Variants in FAT1 observed in about 807,000 individuals in gnomAD.
FAT1 encodes the protein FAT atypical cadherin 1, also known as protocadherin Fat 1.
FAT1 carries 171 observed loss-of-function variants against 329.8 expected under a neutral mutation model. That is an observed-to-expected ratio of 0.52 (90% confidence interval 0.46 to 0.59). The LOEUF (loss-of-function observed/expected upper bound fraction) is 0.59. Ranked by LOEUF, FAT1 falls within the 20% of genes least tolerant of loss-of-function variation. The probability of loss-of-function intolerance (pLI) is 0.00; values close to 1 mark genes in which losing one functional copy is unlikely to be tolerated. For missense variants in FAT1, 5,672 were observed against 5,774.4 expected, an observed-to-expected ratio of 0.98 and a Z score of 0.57; for synonymous variants, 2,233 against 2,228.6, an observed-to-expected ratio of 1.00 and a Z score of -0.06.
At chr4:186,626,054 G>C (rs74645265) in intron 9 of FAT1, among the ~76,000 whole-genome samples, 2 of 121,742 alleles carry the variant, frequency 1.6e-5, no homozygotes, top group Non-Finnish European at 3.4e-5. Flanking sequence ...CATGGCACCT[G>C]GCACATAAAG....
At chr4:186,725,719 A>G (rs1187239295), upstream of FAT1, among the ~76,000 whole-genome samples, 1 of 152,218 alleles carries the variant, frequency 6.6e-6, no homozygotes, top group African/African-American at 2.4e-5. This position sits in a 1 kb window ranked among gnomAD's most constrained non-coding sequence, Gnocchi z 5.4. Context: ...ATGTGGTTCA[A>G]GTTCCACATT....
intron 26 of FAT1, among the ~76,000 whole-genome samples, chr4:186,593,589 C>T (rs924504538): frequency 6.6e-6 from 1 of 152,140 alleles, no homozygotes; most frequent in Non-Finnish European, 1.5e-5. Context: ...TGCACAGAGG[C>T]GTTCCCAGTT....
At chr4:186,622,465 G>C (rs1213224599) in intron 9 of FAT1, among the ~76,000 whole-genome samples, 2 of 152,158 alleles carry the variant, frequency 1.3e-5, no homozygotes, top group East Asian at 3.9e-4. Context: ...GCGTCTCGTG[G>C]GTGGAGACCA....
intron 1 of FAT1, among the ~76,000 whole-genome samples, chr4:186,714,662 T>C (rs1745124298): frequency 6.6e-6 from 1 of 151,848 alleles, no homozygotes; most frequent in Non-Finnish European, 1.5e-5. Context: ...ACAGGGGAGA[T>C]GTCGGCCACT....
intron 3 of FAT1, among the ~76,000 whole-genome samples, chr4:186,641,702 A>G (rs1490057843): frequency 6.6e-6 from 1 of 152,198 alleles, no homozygotes; most frequent in African/African-American, 2.4e-5. Flanking sequence ...ACCTGTGTCC[A>G]TACTACCAAT....
At chr4:186,651,914 C>A (rs191151574) in intron 3 of FAT1, among the ~76,000 whole-genome samples, 163 of 152,330 alleles carry the variant, frequency 1.1e-3, no homozygotes, top group African/African-American at 3.3e-3. Flanking sequence ...TATTGTTTGT[C>A]CCTGAAGTAC....
intron 2 of FAT1, among the ~76,000 whole-genome samples, chr4:186,667,620 G>A (rs999612990): frequency 2.6e-5 from 4 of 152,182 alleles, no homozygotes; most frequent in Non-Finnish European, 5.9e-5. Context: ...AAAGGGAGAG[G>A]AGGGCACACC....
intron 2 of FAT1, among the ~76,000 whole-genome samples, chr4:186,674,571 T>C (rs1378368029): frequency 6.6e-6 from 1 of 152,150 alleles, no homozygotes; most frequent in East Asian, 1.9e-4. Context: ...GGAGGAGCGA[T>C]GGAACTTAAG....
rs960026866 is a variant in FAT1, at chr4:186,597,761, G to A, written c.12289C>T (p.Pro4097Ser). The stretch of plus-strand genomic sequence containing the variant: ...AAGCATGTTCCGCCATTCTTACAGG[G>A]TTCATCTTTGCAGTATGGACTAAGC... ...CQLSPYCKDE[P>S]CKNGGTCFDS... Residue 4097 changes from proline (P) to serine (S), a missense_variant, in exon 24 of 27, where the codon CCC (proline) becomes TCC (serine). This residue lies in a region of FAT1 where 1,706 missense variants were observed against 1,859.1 expected (regional missense o/e 0.92). Transcript: ENST00000441802. The A allele has an allele frequency of 1.2e-6, 2 of 1,613,824 alleles. No homozygotes were observed. Among genetic ancestry groups the A allele is most frequent in the Admixed American group, 3.3e-5 (2 of 60,006 alleles).
chr4:186,676,900 A>G (rs1350367011), intron 2 of FAT1, among the ~76,000 whole-genome samples: 1 of 152,214 alleles, frequency 6.6e-6, no homozygotes, highest in Admixed American at 6.5e-5. Flanking sequence ...ATCATATGCA[A>G]TTCAGTTCTA....
At position 186,621,592 on chromosome 4, in the gene FAT1, G is replaced by A. The variant is rs761417017; in HGVS notation, c.4994C>T (p.Pro1665Leu). ...IFVTIADNAS[P>L]KFTSKEYSVE... ...AGAATATTCTTTTGATGTAAACTTC[G>A]GAGAGGCGTTGTCAGCAATTGTGAC... Residue 1665 changes from proline (P) to leucine (L), a missense_variant, in exon 10 of 27, where the codon CCG becomes CTG. By Grantham distance (98) the Pro-to-Leu change is moderately conservative. Transcript: ENST00000441802. 1.7e-5 allele frequency: 28 copies of A among 1,613,976 alleles called. No individual in the cohort carries two copies. The highest frequency in any genetic ancestry group is 1.2e-4 in the South Asian group (11 of 91,078).
At chr4:186,638,816 C>T (rs1375578428) in intron 4 of FAT1, among the ~76,000 whole-genome samples, 1 of 149,618 alleles carries the variant, frequency 6.7e-6, no homozygotes, top group African/African-American at 2.6e-5. Flanking sequence ...AAGAAGAGCA[C>T]TGATAACTCA....
chr4:186,712,069 G>C (rs1400176468), intron 1 of FAT1, among the ~76,000 whole-genome samples: 1 of 152,184 alleles, frequency 6.6e-6, no homozygotes, highest in African/African-American at 2.4e-5. Flanking sequence ...GCAAGTACTA[G>C]AAGTATTTTT....
chr4:186,685,758 C>G (rs912048044), intron 2 of FAT1, among the ~76,000 whole-genome samples: 1 of 152,222 alleles, frequency 6.6e-6, no homozygotes, highest in African/African-American at 2.4e-5. Context: ...TTCCCTTCAA[C>G]TGAGGTGAGC....
chr4:186,628,474 G>C lies in FAT1; in HGVS notation c.4599+14C>G, dbSNP rs765705333. ...AGGACCAAATGGTGGGAGGAGAGCGGGTAGAGCGCCTACCATGACCGTGAG... is the reference window on the plus strand; with the variant it reads ...AGGACCAAATGGTGGGAGGAGAGCGCGTAGAGCGCCTACCATGACCGTGAG... On this transcript the variant is annotated intron_variant, in intron 8 of 26. Coordinates refer to ENST00000441802, the MANE Select transcript of FAT1 (RefSeq NM_005245.4). 3.7e-6 allele frequency: 6 copies of C among 1,613,536 alleles called. No individual in the cohort carries two copies. In the Admixed American group the frequency reaches 6.7e-5, roughly 18 times the overall value.
intron 2 of FAT1, among the ~76,000 whole-genome samples, chr4:186,694,329 T>A (rs1367756174): frequency 6.6e-6 from 1 of 152,226 alleles, no homozygotes; most frequent in Non-Finnish European, 1.5e-5. Flanking sequence ...AACGGTTTCC[T>A]TTCCTTCCTT....
intron 2 of FAT1, among the ~76,000 whole-genome samples, chr4:186,671,694 G>T (rs139727366): frequency 6.6e-6 from 1 of 150,496 alleles, no homozygotes; most frequent in Non-Finnish European, 1.5e-5. Context: ...GCGAAACTCC[G>T]TCTCAAAAAA....
At chr4:186,640,486 T>C (rs1478681934) in intron 3 of FAT1, among the ~76,000 whole-genome samples, 1 of 152,214 alleles carries the variant, frequency 6.6e-6, no homozygotes, top group East Asian at 1.9e-4. Context: ...AAATGACTTC[T>C]ATAACTATAT....
intron 3 of FAT1, among the ~76,000 whole-genome samples, chr4:186,655,693 G>T (rs544974129): frequency 1.3e-5 from 2 of 151,896 alleles, no homozygotes; most frequent in Non-Finnish European, 2.9e-5. Context: ...TCAGCCTCCC[G>T]AAGTGCTGGG....
Sources: gnomAD v4.1 joint callset for allele counts (sites outside exome capture counted in the v4.1 genomes callset) on GRCh38, gnomAD v4.1.1 for gene constraint, gnomAD v4.1.1 regional missense constraint, Gnocchi (gnomAD v3.1) non-coding constraint, MANE v1.5 for transcripts, NCBI Gene and HGNC (gene_info 2026-07-23, HGNC 2026-07-21) for gene names.